Variants in GALNT13 observed in about 807,000 individuals in gnomAD.
GALNT13 encodes the protein polypeptide N-acetylgalactosaminyltransferase 13, also known as UDP-GalNAc:polypeptide N-acetylgalactosaminyltransferase 13.
Under a neutral mutation model 64.2 loss-of-function variants are expected in GALNT13, and 28 were observed. That is an observed-to-expected ratio of 0.44 (90% CI 0.32 to 0.60). GALNT13 has a LOEUF of 0.60. GALNT13 is among the 20% of genes least tolerant of loss of function. The pLI, the probability that GALNT13 is intolerant of heterozygous loss-of-function variation, is 0.05. For missense variants in GALNT13, 577 were observed against 669.8 expected (o/e 0.86, Z 1.53); for synonymous variants, 214 against 224.6 (o/e 0.95, Z 0.42).
the GALNT13 span, among the ~76,000 whole-genome samples, chr2:153,240,741 A>G: frequency 6.6e-6 from 1 of 152,068 alleles, no homozygotes; most frequent in East Asian, 1.9e-4. Context: ...ATCTGTCTGT[A>G]GTCCAGTCAT....
At chr2:153,606,259 A>G in the GALNT13 span, among the ~76,000 whole-genome samples, 1 of 152,122 alleles carries the variant, frequency 6.6e-6, no homozygotes, top group Non-Finnish European at 1.5e-5. Flanking sequence ...ACATACACAT[A>G]CATAGTGCTC....
intron 4 of GALNT13, among the ~76,000 whole-genome samples, chr2:154,235,416 A>G (rs1689142920): frequency 6.6e-6 from 1 of 152,158 alleles, no homozygotes; most frequent in South Asian, 2.1e-4. Flanking sequence ...AAGCTGCTCA[A>G]TTATTATGAA....
chr2:154,029,101 T>C (rs1698171291), intron 3 of GALNT13, among the ~76,000 whole-genome samples: 1 of 151,448 alleles, frequency 6.6e-6, no homozygotes, highest in African/African-American at 2.4e-5. Context: ...ATGAGGGGAA[T>C]TTGCACTGCA....
At chr2:154,153,657 G>A (rs1684209233) in intron 4 of GALNT13, among the ~76,000 whole-genome samples, 1 of 152,176 alleles carries the variant, frequency 6.6e-6, no homozygotes, top group South Asian at 2.1e-4. Context: ...CTCCCAGCCT[G>A]GCTGCCACTT....
the GALNT13 span, among the ~76,000 whole-genome samples, chr2:153,301,138 G>A: frequency 6.6e-6 from 1 of 151,860 alleles, no homozygotes; most frequent in East Asian, 1.9e-4. Context: ...TGAGGCTGGA[G>A]TGAGCCGTGA....
At chr2:153,630,793 ATATATATATATATATTTTT>A in the GALNT13 span, among the ~76,000 whole-genome samples, 11 of 13,258 alleles carry the variant, frequency 8.3e-4, no homozygotes, top group Admixed American at 1.6e-3. Flanking sequence ...ATATATATAT[ATATATATATATATATTTTT>A]TTTTTTTTTT....
the GALNT13 span, among the ~76,000 whole-genome samples, chr2:153,590,931 C>A: frequency 5.3e-5 from 8 of 151,958 alleles, no homozygotes; most frequent in Admixed American, 4.6e-4. Flanking sequence ...TAATTTTCAC[C>A]ACTCCTATTC....
At chr2:154,338,719 G>T (rs1029109259) in intron 9 of GALNT13, among the ~76,000 whole-genome samples, 8 of 152,062 alleles carry the variant, frequency 5.3e-5, no homozygotes, top group African/African-American at 1.9e-4. Context: ...ATAGTTCCTA[G>T]TTGTCTGGTA....
chr2:153,445,308 A>C, the GALNT13 span, among the ~76,000 whole-genome samples: 1 of 152,210 alleles, frequency 6.6e-6, no homozygotes, highest in African/African-American at 2.4e-5. Flanking sequence ...AAGTTGCCCC[A>C]TGAGATGCAG....
intron 3 of GALNT13, among the ~76,000 whole-genome samples, chr2:154,081,073 T>G (rs2105413951): frequency 6.6e-6 from 1 of 151,664 alleles, no homozygotes; most frequent in South Asian, 2.1e-4. Flanking sequence ...AACTGAGTTT[T>G]ATGTCCTTAC....
At chr2:153,091,859 T>G in the GALNT13 span, among the ~76,000 whole-genome samples, 8 of 152,244 alleles carry the variant, frequency 5.3e-5, no homozygotes, top group African/African-American at 1.9e-4. Context: ...TGATCCCGTT[T>G]GTCCATTTTT....
the GALNT13 span, among the ~76,000 whole-genome samples, chr2:153,158,499 G>T: frequency 6.6e-6 from 1 of 152,080 alleles, no homozygotes. Flanking sequence ...AAACAAATTA[G>T]TCTATTCCTG....
the GALNT13 span, among the ~76,000 whole-genome samples, chr2:153,237,042 A>G: frequency 3.3e-5 from 5 of 152,106 alleles, no homozygotes; most frequent in African/African-American, 7.2e-5. Context: ...CAAGACTTCA[A>G]TGGAGGAAGT....
chr2:153,919,565 T>G (rs1008658795), intron 2 of GALNT13, among the ~76,000 whole-genome samples: 1 of 151,948 alleles, frequency 6.6e-6, no homozygotes, highest in Non-Finnish European at 1.5e-5. Context: ...TTATAAACCG[T>G]GAGGCAAGGT....
chr2:153,625,497 A>C, the GALNT13 span, among the ~76,000 whole-genome samples: 1 of 152,110 alleles, frequency 6.6e-6, no homozygotes, highest in Admixed American at 6.6e-5. Flanking sequence ...ATTGAAGCTC[A>C]AAAAAGTCAC....
At chr2:154,115,304 ATTG>A (rs763116734) in intron 3 of GALNT13, among the ~76,000 whole-genome samples, 29 of 152,108 alleles carry the variant, frequency 1.9e-4, no homozygotes, top group African/African-American at 3.1e-4. Flanking sequence ...TTTTATTATT[ATTG>A]TTATTATTAT....
upstream of GALNT13, among the ~76,000 whole-genome samples, chr2:153,871,008 T>C (rs1574008104): frequency 6.6e-6 from 1 of 152,246 alleles, no homozygotes; most frequent in Middle Eastern, 3.4e-3. Flanking sequence ...TCCTCTCCCA[T>C]GGCAGTGGGG....
chr2:153,767,742 A>G, the GALNT13 span, among the ~76,000 whole-genome samples: 1 of 150,380 alleles, frequency 6.6e-6, no homozygotes, highest in Admixed American at 6.6e-5. Context: ...AGCCACTTGT[A>G]TGTCTTCCTT....
chr2:154,099,655 C>G (rs529767846), intron 3 of GALNT13, among the ~76,000 whole-genome samples: 3 of 151,982 alleles, frequency 2.0e-5, no homozygotes, highest in African/African-American at 4.8e-5. Flanking sequence ...TTCCCAGCAC[C>G]GGTCAGGCAC....
Sources: allele counts gnomAD v4.1 joint callset (sites outside exome capture counted in the v4.1 genomes callset), GRCh38; gene constraint gnomAD v4.1.1; transcripts MANE v1.5; gene names NCBI Gene and HGNC (gene_info 2026-07-23, HGNC 2026-07-21).